PLS1: variants seen among roughly 807,000 people sequenced by gnomAD.
PLS1 encodes plastin 1, also known as plastin-1.
A neutral mutation model predicts 73.7 loss-of-function variants in PLS1; 32 were observed. That is an observed-to-expected ratio of 0.43 (90% CI 0.33 to 0.58). The LOEUF (loss-of-function observed/expected upper bound fraction) is 0.58. Ranked by LOEUF, PLS1 falls within the 20% of genes least tolerant of loss-of-function variation. PLS1 has a pLI of 0.04. For missense variants in PLS1, 633 were observed against 740.5 expected, an observed-to-expected ratio of 0.85 and a Z score of 1.68; for synonymous variants, 217 against 261.3, an observed-to-expected ratio of 0.83 and a Z score of 1.63.
chr3:142,676,631 G>A (rs879643498), intron 5 of PLS1, among the ~76,000 whole-genome samples: 26 of 152,142 alleles, frequency 1.7e-4, no homozygotes, highest in Non-Finnish European at 3.5e-4. Flanking sequence ...ACTGGAATGG[G>A]ACATGAGGAA....
In PLS1 at chr3:142,711,552, G is replaced by A. The variant is rs1319004558; in HGVS notation, c.1681G>A (p.Ala561Thr). The change falls in exon 15 of 16, where the codon GCA becomes ACA. Residue 561 changes from alanine to threonine, a missense_variant. By Grantham distance (58) the Ala-to-Thr change is moderately conservative. Coordinates refer to ENST00000457734, the MANE Select transcript of PLS1 (RefSeq NM_001145319.2). ...TGTCCTAGATTTAATAGATGCCATTGCACCAAATGCAGTTCGTCAAGAAAT... is the reference window on the plus strand; with the variant it reads ...TGTCCTAGATTTAATAGATGCCATTACACCAAATGCAGTTCGTCAAGAAAT... ...LPVLDLIDAI[A>T]PNAVRQEMIR... 6.2e-7 allele frequency: 1 copy of A among 1,602,638 alleles called. No homozygotes were observed.
chr3:142,624,602 G>A (rs888068235), intron 1 of PLS1, among the ~76,000 whole-genome samples: 1 of 152,196 alleles, frequency 6.6e-6, no homozygotes, highest in Non-Finnish European at 1.5e-5. Context: ...TTTCTTAAAA[G>A]AGGCCAGCTT....
chr3:142,663,677 A>G (rs1473849668), intron 1 of PLS1, among the ~76,000 whole-genome samples: 1 of 152,170 alleles, frequency 6.6e-6, no homozygotes, highest in Non-Finnish European at 1.5e-5. Flanking sequence ...GAAGAGCCCC[A>G]CAGACCCTCA....
intron 1 of PLS1, among the ~76,000 whole-genome samples, chr3:142,628,074 G>A (rs1163338168): frequency 6.6e-6 from 1 of 152,188 alleles, no homozygotes; most frequent in Non-Finnish European, 1.5e-5. Flanking sequence ...AAGAAGCTCA[G>A]AGCTCTTTCT....
Position 142,630,953 on chromosome 3 carries a change from A to ACACACACACG in PLS1, c.-36-33240_-36-33239insGCACACACAC, listed in dbSNP as rs1198214194. On this transcript the variant is annotated intron_variant, in intron 1 of 15. Transcript: ENST00000457734. The stretch of plus-strand genomic sequence containing the variant: ...CATGTAAATAAACACACACACACAC[A>ACACACACACG]CACACACACACACACACACATAGAG... Among the ~76,000 whole-genome samples the ACACACACACG allele has an allele frequency of 1.5e-4, 23 of 151,700 alleles. 1 individual carries two copies. Among genetic ancestry groups the ACACACACACG allele is most frequent in the Non-Finnish European group, 2.6e-4 (18 of 67,938 alleles).
intron 1 of PLS1, among the ~76,000 whole-genome samples, chr3:142,658,697 CTT>C (rs2037297282): frequency 6.6e-6 from 1 of 151,856 alleles, no homozygotes; most frequent in Non-Finnish European, 1.5e-5. Flanking sequence ...CAGCAGTTTG[CTT>C]TTTTCATTTA....
chr3:142,690,579 C>T (rs2038065891), intron 10 of PLS1, among the ~76,000 whole-genome samples: 1 of 152,122 alleles, frequency 6.6e-6, no homozygotes, highest in Non-Finnish European at 1.5e-5. Context: ...GTTGTAAACA[C>T]ATTAGAACTC....
chr3:142,686,241 T>C (rs570735799), intron 8 of PLS1, 43 bp from the exon 9 acceptor site: 6 of 1,146,758 alleles, frequency 5.2e-6, no homozygotes, highest in African/African-American at 3.0e-5. Flanking sequence ...TCAATGATGA[T>C]TTTATTCGTT....
chr3:142,637,236 C>T (rs964995556), intron 1 of PLS1, among the ~76,000 whole-genome samples: 1 of 152,132 alleles, frequency 6.6e-6, no homozygotes, highest in African/African-American at 2.4e-5. Flanking sequence ...AAATACACAA[C>T]ATAGATCTCA....
At chr3:142,653,463 C>A (rs552428171) in intron 1 of PLS1, among the ~76,000 whole-genome samples, 1 of 151,412 alleles carries the variant, frequency 6.6e-6, no homozygotes, top group Non-Finnish European at 1.5e-5. Flanking sequence ...CGTGCTCAAG[C>A]GATCCTCCCA....
chr3:142,711,039 A>G (rs1285317065), intron 14 of PLS1, among the ~76,000 whole-genome samples: 2 of 152,216 alleles, frequency 1.3e-5, no homozygotes, highest in African/African-American at 4.8e-5. Context: ...TGGATTAAAT[A>G]AACTAAAACA....
intron 1 of PLS1, among the ~76,000 whole-genome samples, chr3:142,628,419 G>A (rs985831755): frequency 2.6e-5 from 4 of 151,588 alleles, no homozygotes; most frequent in Non-Finnish European, 4.4e-5. Context: ...ATATGTGTAT[G>A]TGTATAAATT....
intron 6 of PLS1, among the ~76,000 whole-genome samples, chr3:142,681,642 A>G (rs1042187592): frequency 2.0e-5 from 3 of 152,122 alleles, no homozygotes; most frequent in Admixed American, 6.6e-5. Flanking sequence ...TACTCTCCCT[A>G]TCTTTCCGCA....
chr3:142,712,018 T>A lies in PLS1; in HGVS notation c.*11T>A, dbSNP rs749730736. The A allele has an allele frequency of 1.2e-6, 2 of 1,611,260 alleles. No homozygotes were observed. The highest frequency in any genetic ancestry group is 8.5e-7 in the Non-Finnish European group (1 of 1,177,580). ...AACAGAATAAAATAATCATTTCATA[T>A]GATTTTCTGCCACATTAAACATATT... is the stretch of plus-strand genomic sequence containing the variant. On this transcript the variant is annotated 3_prime_UTR_variant, in exon 16 of 16. Transcript: ENST00000457734.
intron 1 of PLS1, among the ~76,000 whole-genome samples, chr3:142,604,928 T>A (rs9844137): frequency 0.22 from 32,637 of 147,366 alleles, 4,481 homozygotes; most frequent in African/African-American, 0.4. Context: ...AGAGCAAGAC[T>A]CCGTCTCAAA....
At chr3:142,704,415 G>T in intron 13 of PLS1, 48 bp from the exon 14 acceptor site, 1 of 1,481,188 alleles carries the variant, frequency 6.8e-7, no homozygotes, top group Non-Finnish European at 9.3e-7. Context: ...TTATGTGAAA[G>T]CAAATTTCAC....
Position 142,703,971 on chromosome 3 carries a change from C to T in PLS1, c.1475C>T (p.Thr492Ile). The change falls in exon 13 of 16, where the codon ACC becomes ATC. Residue 492 changes from threonine (T) to isoleucine (I), a missense_variant. Coordinates refer to ENST00000457734, the MANE Select transcript of PLS1 (RefSeq NM_001145319.2). ...CTAAATGAAGGGAATTCAACACTTA[C>T]CCTGGCATTGGTATGGCAGCTGATG... ...QDLNEGNSTL[T>I]LALVWQLMRR... 6.2e-7 allele frequency: 1 copy of T among 1,613,888 alleles called. No homozygotes were observed. The highest frequency in any genetic ancestry group is 8.5e-7 in the Non-Finnish European group (1 of 1,179,828).
At chr3:142,597,463 TAGAG>T (rs545367565) in intron 1 of PLS1, 1 of 152,030 alleles carries the variant, frequency 6.6e-6, no homozygotes, top group South Asian at 2.1e-4. Context: ...TATATATATA[TAGAG>T]AGAGAGGTAG....
chr3:142,637,502 CATTAA>C (rs572782867), intron 1 of PLS1, among the ~76,000 whole-genome samples: 152 of 152,224 alleles, frequency 1.0e-3, no homozygotes, highest in Admixed American at 1.3e-3. Context: ...ACATTTTATA[CATTAA>C]ATATGTGCAG....
Sources: gnomAD v4.1 joint callset for allele counts (sites outside exome capture counted in the v4.1 genomes callset) on GRCh38, gnomAD v4.1.1 for gene constraint, MANE v1.5 for transcripts, NCBI Gene and HGNC (gene_info 2026-07-23, HGNC 2026-07-21) for gene names.